TCERG1: variants seen among roughly 807,000 people sequenced by gnomAD.
TCERG1 encodes TATA box binding protein (TBP)-associated factor, RNA polymerase II, S, 150kD.
A neutral mutation model predicts 144.7 loss-of-function variants in TCERG1; 37 were observed. The observed-to-expected ratio is 0.26, with a 90% CI of 0.20 to 0.34. The LOEUF is 0.34. TCERG1 is among the 10% of genes least tolerant of loss of function. The probability of loss-of-function intolerance (pLI) is 1.00; values close to 1 mark genes in which losing one functional copy is unlikely to be tolerated. For missense variants in TCERG1, 1,027 were observed against 1,380.7 expected, an observed-to-expected ratio of 0.74 and a Z score of 4.06; for synonymous variants, 492 against 458.2, an observed-to-expected ratio of 1.07 and a Z score of -0.94.
rs2150958901 is a variant in TCERG1, at chr5:146,510,567, T to C, written c.3273T>C (p.Tyr1091=). 1.9e-6 allele frequency: 3 copies of C among 1,614,162 alleles called. No homozygotes were observed. Among genetic ancestry groups the C allele is most frequent in the Non-Finnish European group, 1.7e-6 (2 of 1,180,024 alleles). ...PEERRKLIVA[Y]VDDLDRRGPP... ...AGAGGCGTAAACTGATTGTGGCATA[T>C]GTTGATGACCTGGATCGCCGGGGTC... The change falls in exon 23 of 23, where the codon TAT becomes TAC. Residue 1091 remains tyrosine (Y), a synonymous_variant. Coordinates refer to ENST00000679501, the MANE Select transcript of TCERG1 (RefSeq NM_001382548.1).
intron 17 of TCERG1, among the ~76,000 whole-genome samples, chr5:146,502,318 G>A (rs565777552): frequency 6.6e-6 from 1 of 152,306 alleles, no homozygotes; most frequent in African/African-American, 2.4e-5. Flanking sequence ...GATCAGGTGG[G>A]AAGGTACCAT....
chr5:146,460,327 C>CTTTCTTTTTTTCTTT (rs1190586944), intron 4 of TCERG1, among the ~76,000 whole-genome samples: 1 of 150,398 alleles, frequency 6.6e-6, no homozygotes, highest in African/African-American at 2.4e-5. Flanking sequence ...TGGGGGGTTT[C>CTTTCTTTTTTTCTTT]TTTCTTTTTT....
At chr5:146,504,055 A>G (rs747740148) in intron 19 of TCERG1, 49 bp downstream of exon 19, 1 of 1,380,318 alleles carries the variant, frequency 7.2e-7, no homozygotes, top group South Asian at 2.1e-5. Context: ...GGATATTGGA[A>G]ATTTATTATG....
intron 9 of TCERG1, among the ~76,000 whole-genome samples, chr5:146,477,050 G>T (rs930623320): frequency 6.6e-6 from 1 of 152,192 alleles, no homozygotes; most frequent in Non-Finnish European, 1.5e-5. Flanking sequence ...AAGTACGGGC[G>T]TGAGCCACCA....
intron 13 of TCERG1, 60 bp downstream of exon 13, chr5:146,481,260 A>T: frequency 1.3e-6 from 1 of 794,720 alleles, no homozygotes; most frequent in Non-Finnish European, 1.5e-6. Flanking sequence ...CTTTATTGAG[A>T]TAGATAGTGA....
Position 146,504,125 on chromosome 5 carries a change from A to G in TCERG1, c.2781+119A>G, listed in dbSNP as rs889646999. 4.6e-6 allele frequency: 5 copies of G among 1,076,192 alleles called. No individual in the cohort carries two copies. The African/African-American group carries it at 8.2e-5, about 18-fold the overall frequency. The allele number at this position is 1,076,192 out of a possible 1,614,324, so 66.7% of individuals were successfully genotyped here. A position where few individuals can be genotyped will look rare whatever the true frequency, so the allele number is the denominator to read the frequency against. ...TGAGGGAGATAATTTGCTAAATTAGAAAGCATTTAAAAATTGAATACTTGG... is the reference window on the plus strand; with the variant it reads ...TGAGGGAGATAATTTGCTAAATTAGGAAGCATTTAAAAATTGAATACTTGG... On this transcript the variant is annotated intron_variant, in intron 19 of 22. Transcript: ENST00000679501.
Position 146,503,465 on chromosome 5 carries a change from C to G in TCERG1, c.2524C>G (p.Pro842Ala). The G allele has an allele frequency of 6.2e-7, 1 of 1,613,906 alleles. No homozygotes were observed. Among genetic ancestry groups the G allele is most frequent in the Non-Finnish European group, 8.5e-7 (1 of 1,179,906 alleles). ...AGTAAAAGACAAAGTAGAAAGTGAT[C>G]CACGTTACAAAGCAGTAGATAGTTC... ...SKVKDKVESD[P>A]RYKAVDSSSM... Residue 842 changes from proline to alanine, a missense_variant, in exon 18 of 23, where the codon CCA becomes GCA. Physicochemically the swap from Pro to Ala is conservative, Grantham distance 27. This residue lies in a region of TCERG1 where 482 missense variants were observed against 632.6 expected (regional missense o/e 0.76). Coordinates refer to ENST00000679501, the MANE Select transcript of TCERG1 (RefSeq NM_001382548.1).
At chr5:146,471,600 ATTT>A (rs141675712) in intron 9 of TCERG1, 24 bp downstream of exon 9, 1,228 of 1,381,950 alleles carry the variant, frequency 8.9e-4, no homozygotes, top group East Asian at 3.1e-3. Flanking sequence ...TCAAGTAGTA[ATTT>A]TTTTTTTTTT....
At chr5:146,504,919 G>A (rs1386368333) in intron 19 of TCERG1, among the ~76,000 whole-genome samples, 1 of 152,040 alleles carries the variant, frequency 6.6e-6, no homozygotes, top group African/African-American at 2.4e-5. Flanking sequence ...GGTGGTGCGT[G>A]CCTGTAGTCC....
chr5:146,463,013 C>T (rs1763470228), intron 4 of TCERG1, among the ~76,000 whole-genome samples: 1 of 152,100 alleles, frequency 6.6e-6, no homozygotes, highest in African/African-American at 2.4e-5. Flanking sequence ...TTTTCCTATC[C>T]ATTTAAGGGC....
intron 14 of TCERG1, among the ~76,000 whole-genome samples, chr5:146,483,100 G>C (rs1230663999): frequency 6.6e-6 from 1 of 152,046 alleles, no homozygotes; most frequent in African/African-American, 2.4e-5. Flanking sequence ...CTGATACTTT[G>C]TGATATTATT....
rs1322793728 is a variant in TCERG1, at chr5:146,478,591, A to G, written c.1700A>G (p.Asp567Gly). Residue 567 changes from aspartate (D) to glycine (G), a missense_variant, in exon 10 of 23, where the codon GAT becomes GGT. Physicochemically the swap from Asp to Gly is moderately conservative, Grantham distance 94 (BLOSUM62 -1). Around this residue, in one of 6 missense-constraint regions of TCERG1, gnomAD observed 482 missense variants for 632.6 expected, o/e 0.76. Transcript: ENST00000679501. ...CCTGATGATCTGATTGGCAGGGCAG[A>G]TGTTGACAAAATTATTCAGGAGCCC... ...DRPDDLIGRADVDKIIQEPPH... is the reference protein window; with the variant it reads ...DRPDDLIGRAGVDKIIQEPPH... The G allele has an allele frequency of 1.2e-6, 2 of 1,611,118 alleles. No individual in the cohort carries two copies. Among genetic ancestry groups the G allele is most frequent in the Non-Finnish European group, 1.7e-6 (2 of 1,179,102 alleles).
At chr5:146,458,751 T>G in intron 3 of TCERG1, 133 bp from the exon 4 acceptor site, 1 of 1,278,644 alleles carries the variant, frequency 7.8e-7, no homozygotes, top group Non-Finnish European at 1.1e-6. Context: ...AGTGCTGGGA[T>G]TACAGGAATG....
At chr5:146,475,378 C>G (rs1441532122) in intron 9 of TCERG1, among the ~76,000 whole-genome samples, 1 of 151,398 alleles carries the variant, frequency 6.6e-6, no homozygotes, top group African/African-American at 2.4e-5. Context: ...AGTAATTTTG[C>G]CCCTAGTGGA....
At chr5:146,459,363 T>C in intron 4 of TCERG1, 26 bp downstream of exon 4, 1 of 1,604,406 alleles carries the variant, frequency 6.2e-7, no homozygotes, top group Non-Finnish European at 8.5e-7. Flanking sequence ...CATGTGTTTT[T>C]ATATAGGGGC....
In TCERG1 at chr5:146,455,098, C is replaced by A. The variant is rs765579159; in HGVS notation, c.102C>A (p.Pro34=). The A allele has an allele frequency of 1.2e-6, 2 of 1,614,122 alleles. No individual in the cohort carries two copies. Among genetic ancestry groups the A allele is most frequent in the South Asian group, 1.1e-5 (1 of 91,096 alleles). The part of the protein sequence containing the change: ...QQALRFRGPA[P]PPNAVMRGPP... ...CCTTGAGGTTCCGAGGTCCGGCTCC[C>A]CCACCAAATGCAGTGATGCGAGGCC... The change falls in exon 2 of 23, where the codon CCC becomes CCA. Residue 34 remains proline, a synonymous_variant. Transcript: ENST00000679501.
chr5:146,453,256 G>A lies in TCERG1; in HGVS notation c.60-1800G>A, dbSNP rs550790601. On this transcript the variant is annotated intron_variant, in intron 1 of 22. Coordinates refer to ENST00000679501, the MANE Select transcript of TCERG1 (RefSeq NM_001382548.1). ...TTCCCTTTAGGTAGAGACTACTAAT[G>A]ATCTGCCAAGTGACCCCCCTGCCCC... 1.8e-4 allele frequency among the ~76,000 whole-genome samples: 28 copies of A among 152,224 alleles called. No individual in the cohort carries two copies. In the South Asian group the frequency reaches 5.4e-3, roughly 29 times the overall value.
At chr5:146,472,648 C>G (rs1463337877) in intron 9 of TCERG1, among the ~76,000 whole-genome samples, 1 of 151,860 alleles carries the variant, frequency 6.6e-6, no homozygotes, top group Non-Finnish European at 1.5e-5. Flanking sequence ...ATTAGTAGCC[C>G]TATAATGCCC....
Position 146,459,313 on chromosome 5 carries a change from A to G in TCERG1, c.868A>G (p.Thr290Ala), listed in dbSNP as rs377038308. The G allele has an allele frequency of 6.2e-7, 1 of 1,614,134 alleles. No individual in the cohort carries two copies. Among genetic ancestry groups the G allele is most frequent in the Admixed American group, 1.7e-5 (1 of 60,030 alleles). Reference protein sequence around the residue: ...SSTTSTTTTATSVAQTVSTPT... With the variant: ...SSTTSTTTTAASVAQTVSTPT... ...TACCACTTCTACCACAACAACTGCT[A>G]CTTCAGTTGCGCAGACAGTATCAAG... The change falls in exon 4 of 23, where the codon ACT becomes GCT. Residue 290 changes from threonine to alanine, a missense_variant. By Grantham distance (58) the Thr-to-Ala change is moderately conservative. This residue lies in a region of TCERG1 where 187 missense variants were observed against 169.1 expected (regional missense o/e 1.11). Transcript: ENST00000679501.
Sources: gnomAD v4.1 joint callset for allele counts (sites outside exome capture counted in the v4.1 genomes callset) on GRCh38, gnomAD v4.1.1 for gene constraint, gnomAD v4.1.1 regional missense constraint, MANE v1.5 for transcripts, NCBI Gene and HGNC (gene_info 2026-07-23, HGNC 2026-07-21) for gene names.